Variants in RNF169 observed in about 807,000 individuals in gnomAD.
RNF169 encodes the protein ring finger protein 169, also known as E3 ubiquitin-protein ligase RNF169.
In RNF169, 24 loss-of-function variants were observed where a neutral mutation model predicts 53.9. That is an observed-to-expected ratio of 0.45 (90% confidence interval 0.32 to 0.63). RNF169 has a LOEUF of 0.63. Among genes scored for constraint, RNF169 ranks in the 20% least tolerant of loss-of-function variants. RNF169 has a pLI of 0.04. For missense variants in RNF169, 883 were observed against 906.2 expected (o/e 0.97, Z 0.33); for synonymous variants, 396 against 363.5 (o/e 1.09, Z -1.02).
At chr11:74,834,030 A>G (rs2036216025) in intron 4 of RNF169, among the ~76,000 whole-genome samples, 1 of 152,226 alleles carries the variant, frequency 6.6e-6, no homozygotes, top group Non-Finnish European at 1.5e-5. Context: ...CTGCTGTCTT[A>G]TGGTACTTAC....
chr11:74,796,623 G>A (rs1286608169), intron 2 of RNF169, among the ~76,000 whole-genome samples: 1 of 152,108 alleles, frequency 6.6e-6, no homozygotes, highest in Non-Finnish European at 1.5e-5. Context: ...ACATAATCCA[G>A]GATGGTCTTG....
chr11:74,778,982 T>TA (rs1193958337), intron 1 of RNF169, among the ~76,000 whole-genome samples: 1 of 152,220 alleles, frequency 6.6e-6, no homozygotes, highest in Non-Finnish European at 1.5e-5. Context: ...ATGAAAGCAA[T>TA]ACTGCGTATT....
chr11:74,760,225 T>C lies in RNF169; in HGVS notation c.502+10843T>C, dbSNP rs61897007. On this transcript the variant is annotated intron_variant, in intron 1 of 5. Transcript: ENST00000299563. ...TTTTTTTCTTTATTAGTCTTGCTAGTGGTCTATCAATTTTGTTGATCCTTT... is the reference window on the plus strand; with the variant it reads ...TTTTTTTCTTTATTAGTCTTGCTAGCGGTCTATCAATTTTGTTGATCCTTT... Among the ~76,000 whole-genome samples the C allele has an allele frequency of 5.9e-5, 9 of 152,202 alleles. No homozygotes were observed. In the East Asian group the frequency reaches 1.2e-3, roughly 20 times the overall value.
At chr11:74,752,993 G>A (rs1338741698) in intron 1 of RNF169, among the ~76,000 whole-genome samples, 2 of 152,088 alleles carry the variant, frequency 1.3e-5, no homozygotes, top group Non-Finnish European at 2.9e-5. Flanking sequence ...TTTTGAGACA[G>A]AGTCTTGCTC....
chr11:74,785,252 T>TGG (rs1384320495), intron 1 of RNF169, among the ~76,000 whole-genome samples: 2 of 79,736 alleles, frequency 2.5e-5, no homozygotes, highest in East Asian at 1.3e-3. Flanking sequence ...TTATATATGT[T>TGG]AGATATATAT....
intron 1 of RNF169, among the ~76,000 whole-genome samples, chr11:74,777,385 GACAACC>G (rs1287026474): frequency 6.6e-6 from 1 of 152,124 alleles, no homozygotes; most frequent in Non-Finnish European, 1.5e-5. Flanking sequence ...TGGTAGTGAG[GACAACC>G]ACATGGGCTT....
At chr11:74,791,845 C>T (rs2035584432) in intron 2 of RNF169, among the ~76,000 whole-genome samples, 1 of 152,216 alleles carries the variant, frequency 6.6e-6, no homozygotes, top group African/African-American at 2.4e-5. Flanking sequence ...TGTAAGAGGG[C>T]ATGGCTCCTA....
rs2036650809 is a variant in RNF169 at position 74,842,127 on chromosome 11, A to C, written c.*5397A>C. ...ATAGGTTGTGTATTGGTTTTATTCA[A>C]CCTGCTGTCTGCTTTAGGATTGGAG... is the stretch of plus-strand genomic sequence containing the variant. On this transcript the variant is annotated 3_prime_UTR_variant, in exon 6 of 6. Coordinates refer to ENST00000299563, the MANE Select transcript of RNF169 (RefSeq NM_001098638.2). 1 of 152,032 alleles carries C rather than the reference A, an allele frequency of 6.6e-6. No individual in the cohort carries two copies. The highest frequency in any genetic ancestry group is 6.5e-5 in the Admixed American group (1 of 15,268). The allele number at this position is 152,032 out of a possible 1,614,324, so 9.4% of individuals were successfully genotyped here.
Position 74,839,581 on chromosome 11 carries a change from A to C in RNF169, c.*2851A>C, listed in dbSNP as rs1183865904. 6.6e-6 allele frequency: 1 copy of C among 152,174 alleles called. No individual in the cohort carries two copies. Among genetic ancestry groups the C allele is most frequent in the Non-Finnish European group, 1.5e-5 (1 of 68,038 alleles). The allele number at this position is 152,174 out of a possible 1,614,324, so 9.4% of individuals were successfully genotyped here. ...ATCATTGAAGCCCAGTTCACCATAC[A>C]AATTACCCATGTCTTACTCTGTTCC... On this transcript the variant is annotated 3_prime_UTR_variant, in exon 6 of 6. Transcript: ENST00000299563.
chr11:74,790,130 T>G (rs527292226), intron 2 of RNF169, among the ~76,000 whole-genome samples: 1 of 152,236 alleles, frequency 6.6e-6, no homozygotes, highest in Non-Finnish European at 1.5e-5. Context: ...AGTAAGGAGA[T>G]AGTGAAATAA....
At position 74,778,335 on chromosome 11, in the gene RNF169, T is replaced by C. The variant is rs537401247; in HGVS notation, c.503-11291T>C. On this transcript the variant is annotated intron_variant, in intron 1 of 5. Coordinates refer to ENST00000299563, the MANE Select transcript of RNF169 (RefSeq NM_001098638.2). ...GACTGTTTCTATCATTCTTACACAT[T>C]TACATATGATAACTTGATATGTTAT... 2.6e-5 allele frequency among the ~76,000 whole-genome samples: 4 copies of C among 152,316 alleles called. No homozygotes were observed. The South Asian group carries it at 8.3e-4, about 32-fold the overall frequency.
chr11:74,830,924 T>C (rs1357221727), intron 4 of RNF169: 4 of 152,060 alleles, frequency 2.6e-5, no homozygotes, highest in African/African-American at 9.7e-5. Context: ...AAAAGCTCAG[T>C]AGACACGCAC....
In RNF169 at chr11:74,774,478, TAAGTA is replaced by T. The variant is rs576154799; in HGVS notation, c.503-15144_503-15140del. 2.9e-3 allele frequency among the ~76,000 whole-genome samples: 449 copies of T among 152,332 alleles called. 2 individuals are homozygous for T. Among genetic ancestry groups the T allele is most frequent in the South Asian group, 0.023 (110 of 4,830 alleles). On this transcript the variant is annotated intron_variant, in intron 1 of 5. Transcript: ENST00000299563. Reference sequence around the variant, plus strand: ...TTTTAAAGTTCCCTAGTTTTTAGGCTAAGTAAAGATTCTGTTTGTATATCAGATTC... The same window carrying T: ...TTTTAAAGTTCCCTAGTTTTTAGGCTAAGATTCTGTTTGTATATCAGATTC...
intron 2 of RNF169, among the ~76,000 whole-genome samples, chr11:74,809,492 C>T (rs1271208107): frequency 6.6e-6 from 1 of 152,146 alleles, no homozygotes; most frequent in African/African-American, 2.4e-5. Flanking sequence ...GCCATGCCAC[C>T]TCCCCAAAAT....
chr11:74,779,831 G>A (rs1044416245), intron 1 of RNF169, among the ~76,000 whole-genome samples: 1 of 152,082 alleles, frequency 6.6e-6, no homozygotes, highest in Non-Finnish European at 1.5e-5. Context: ...TTAGTGGATG[G>A]TATCAGCAGG....
chr11:74,838,822 G>A lies in RNF169; in HGVS notation c.*2092G>A, dbSNP rs1325068849. 1.3e-5 allele frequency: 2 copies of A among 152,110 alleles called. No homozygotes were observed. Among genetic ancestry groups the A allele is most frequent in the Non-Finnish European group, 2.9e-5 (2 of 68,028 alleles). The allele number at this position is 152,110 out of a possible 1,614,324, so 9.4% of individuals were successfully genotyped here. A position where few individuals can be genotyped will look rare whatever the true frequency, so the allele number is the denominator to read the frequency against. ...TGACCTTACTATAAATGCCCTTAGA[G>A]GAAACTTATCAGTTACTGCCATTTC... On this transcript the variant is annotated 3_prime_UTR_variant, in exon 6 of 6. Coordinates refer to ENST00000299563, the MANE Select transcript of RNF169 (RefSeq NM_001098638.2).
chr11:74,754,659 A>G (rs1269042573), intron 1 of RNF169, among the ~76,000 whole-genome samples: 1 of 152,120 alleles, frequency 6.6e-6, no homozygotes, highest in Non-Finnish European at 1.5e-5. Flanking sequence ...TGTCTTTACT[A>G]AAAACACAAG....
At chr11:74,753,496 A>T (rs1034786160) in intron 1 of RNF169, among the ~76,000 whole-genome samples, 4 of 152,224 alleles carry the variant, frequency 2.6e-5, no homozygotes, top group African/African-American at 9.6e-5. Context: ...CAGCAACAGG[A>T]TTACTAGGTT....
rs988017043 is a variant in RNF169 at position 74,836,477 on chromosome 11, A to C, written c.1874A>C (p.His625Pro). ...TCTTTGCGTCGAGGCCGGAAAAGAC[A>C]CTGCAAGACCAAGCACTTAGAACAA... ...LPSLRRGRKR[H>P]CKTKHLEQNG... is the part of the protein sequence containing the mutation. Residue 625 changes from histidine to proline, a missense_variant, in exon 6 of 6, where the codon CAC becomes CCC. His to Pro is a moderately conservative substitution (Grantham distance 77). Around this residue, in one of 3 missense-constraint regions of RNF169, gnomAD observed 351 missense variants for 337.3 expected, o/e 1.04. Coordinates refer to ENST00000299563, the MANE Select transcript of RNF169 (RefSeq NM_001098638.2). 3.7e-6 allele frequency: 6 copies of C among 1,614,106 alleles called. No individual in the cohort carries two copies. The African/African-American group carries it at 6.7e-5, about 18-fold the overall frequency.
Sources: gnomAD v4.1 joint callset for allele counts (sites outside exome capture counted in the v4.1 genomes callset) on GRCh38, gnomAD v4.1.1 for gene constraint, gnomAD v4.1.1 regional missense constraint, MANE v1.5 for transcripts, NCBI Gene and HGNC (gene_info 2026-07-23, HGNC 2026-07-21) for gene names.